Variants in WASF3 observed in about 807,000 individuals in gnomAD.
WASF3 encodes the protein WASP family member 3.
WASF3 carries 11 observed loss-of-function variants against 46.6 expected under a neutral mutation model. The ratio of observed to expected loss-of-function variants is 0.24; its 90% CI spans 0.15 to 0.39. The LOEUF (loss-of-function observed/expected upper bound fraction) is 0.39, where lower values mean the gene tolerates loss of function less well. WASF3 is among the 10% of genes least tolerant of loss of function. WASF3 has a pLI of 1.00. For synonymous variants in WASF3, 242 were observed against 259.7 expected (o/e 0.93, Z 0.65); for missense variants, 576 against 669.8 (o/e 0.86, Z 1.55).
intron 7 of WASF3, among the ~76,000 whole-genome samples, chr13:26,678,836 C>G (rs939401255): frequency 9.2e-5 from 14 of 152,198 alleles, no homozygotes; most frequent in Admixed American, 9.2e-4. Flanking sequence ...TGGTGCAGAT[C>G]TCTGGCTGCC....
In WASF3 at chr13:26,642,221, G is replaced by A. The variant is rs755742988; in HGVS notation, c.-10-40G>A. Reference sequence around the variant, plus strand: ...ATTAAAATTCCAGATTTGTTAAAATGTGAATATGAGCTTATAAAGAATGTG... The same window carrying A: ...ATTAAAATTCCAGATTTGTTAAAATATGAATATGAGCTTATAAAGAATGTG... On this transcript the variant is annotated intron_variant, in intron 2 of 9. Transcript: ENST00000335327. 8.3e-6 allele frequency: 12 copies of A among 1,450,054 alleles called. No homozygotes were observed. In the East Asian group the frequency reaches 1.0e-4, roughly 12 times the overall value. 89.8% of individuals were successfully genotyped at this position (1,450,054 alleles called of 1,614,324 possible).
At chr13:26,551,626 G>T in the WASF3 span, among the ~76,000 whole-genome samples, 1 of 152,168 alleles carries the variant, frequency 6.6e-6, no homozygotes, top group Non-Finnish European at 1.5e-5. Context: ...AGAGGCTGGT[G>T]TAGGTAACTG....
At chr13:26,649,585 G>A (rs755658062) in intron 3 of WASF3, among the ~76,000 whole-genome samples, 29 of 152,178 alleles carry the variant, frequency 1.9e-4, no homozygotes, top group Non-Finnish European at 3.8e-4. Context: ...TGTGGGAACC[G>A]TTTCAGGGTT....
intron 2 of WASF3, among the ~76,000 whole-genome samples, chr13:26,630,980 A>G (rs1368810430): frequency 6.6e-6 from 1 of 152,142 alleles, no homozygotes; most frequent in Non-Finnish European, 1.5e-5. Flanking sequence ...GTCTGTTCAT[A>G]TCCTTTGCCT....
At chr13:26,606,984 T>G (rs1459036903) in intron 1 of WASF3, 1 of 152,208 alleles carries the variant, frequency 6.6e-6, no homozygotes. Context: ...ATTGTTCTAT[T>G]TTATTATGAG....
chr13:26,564,316 C>T (rs1879392440), intron 1 of WASF3, among the ~76,000 whole-genome samples: 1 of 152,310 alleles, frequency 6.6e-6, no homozygotes, highest in Non-Finnish European at 1.5e-5. Flanking sequence ...TCCAGCTTGT[C>T]AGATAACCTC....
At chr13:26,565,926 C>A (rs975009639) in intron 1 of WASF3, among the ~76,000 whole-genome samples, 2 of 152,060 alleles carry the variant, frequency 1.3e-5, no homozygotes, top group African/African-American at 4.8e-5. Context: ...CAGTTCCCAC[C>A]CCTCAAAAAA....
intron 1 of WASF3, among the ~76,000 whole-genome samples, chr13:26,598,640 G>C (rs1880548559): frequency 6.6e-6 from 1 of 152,162 alleles, no homozygotes; most frequent in Non-Finnish European, 1.5e-5. Flanking sequence ...TAGTTTGAGA[G>C]TGGGATCACG....
chr13:26,549,600 A>C, the WASF3 span, among the ~76,000 whole-genome samples: 1 of 152,180 alleles, frequency 6.6e-6, no homozygotes, highest in South Asian at 2.1e-4. Context: ...TGGATTTGTA[A>C]AAATAAAAAC....
At chr13:26,598,699 ATCTC>A (rs772507379) in intron 1 of WASF3, among the ~76,000 whole-genome samples, 7 of 152,200 alleles carry the variant, frequency 4.6e-5, no homozygotes, top group Non-Finnish European at 1.0e-4. Context: ...GATCTTGGAG[ATCTC>A]TTTATGCTTC....
intron 1 of WASF3, among the ~76,000 whole-genome samples, chr13:26,597,708 G>A (rs1469533069): frequency 1.3e-5 from 2 of 152,076 alleles, no homozygotes; most frequent in African/African-American, 4.8e-5. Context: ...GAGTGAGAAC[G>A]TGCGGTGTTT....
chr13:26,657,393 T>G (rs534825590), intron 3 of WASF3, among the ~76,000 whole-genome samples: 4 of 152,372 alleles, frequency 2.6e-5, no homozygotes, highest in Admixed American at 2.6e-4. Flanking sequence ...AAGTATCTAA[T>G]GTTACTTCTA....
In WASF3 at chr13:26,682,669, C is replaced by A. The variant is rs756781551; in HGVS notation, c.1046C>A (p.Pro349His). 3.1e-6 allele frequency: 5 copies of A among 1,614,208 alleles called. No individual in the cohort carries two copies. The East Asian group carries it at 1.1e-4, about 36-fold the overall frequency. The change falls in exon 9 of 10, where the codon CCT becomes CAT. Residue 349 changes from proline (P) to histidine (H), a missense_variant. Around this residue, in one of 3 missense-constraint regions of WASF3, gnomAD observed 295 missense variants for 291.5 expected, o/e 1.01. Transcript: ENST00000335327. The surrounding 1 kb of genome is among the most constrained non-coding windows in gnomAD (Gnocchi z 4.4). The stretch of plus-strand genomic sequence containing the variant: ...TCCGGACCACCTCCTCCGCCACCTC[C>A]TCCTGTGATTCCCTCAGCACAAACT... ...NPSGPPPPPP[P>H]PVIPSAQTAF...
chr13:26,562,664 G>A lies in WASF3; in HGVS notation c.-109+4845G>A, dbSNP rs189799292. ...AGATAGCGGTTTCAGAGTTTCCATT[G>A]GAGTTAGCCTGAGGACATGATGAAT... is the stretch of plus-strand genomic sequence containing the variant. On this transcript the variant is annotated intron_variant, in intron 1 of 9. Transcript: ENST00000335327. Among the ~76,000 whole-genome samples, 10 of 152,166 alleles carry A rather than the reference G, an allele frequency of 6.6e-5. No individual in the cohort carries two copies. In the East Asian group the frequency reaches 1.9e-3, roughly 29 times the overall value.
At chr13:26,669,714 A>G (rs1357651038) in intron 5 of WASF3, among the ~76,000 whole-genome samples, 1 of 152,138 alleles carries the variant, frequency 6.6e-6, no homozygotes, top group Non-Finnish European at 1.5e-5. Context: ...GGGTTTTACC[A>G]TGTTGGTCAG....
chr13:26,671,252 C>T (rs957407305), intron 5 of WASF3, among the ~76,000 whole-genome samples: 5 of 152,170 alleles, frequency 3.3e-5, no homozygotes, highest in Non-Finnish European at 7.3e-5. Flanking sequence ...ACAGTAATTG[C>T]CTGTGACAGT....
At position 26,679,366 on chromosome 13, in the gene WASF3, A is replaced by G. The variant is rs1484868866; in HGVS notation, c.717-1688A>G. 6.6e-6 allele frequency among the ~76,000 whole-genome samples: 1 copy of G among 152,040 alleles called. No homozygotes were observed. ...GTCCTCCTGATGGGCACCCTTCATC[A>G]GGGTTCTGCCCTGTAGAAATCTCTG... On this transcript the variant is annotated intron_variant, in intron 7 of 9. Coordinates refer to ENST00000335327, the MANE Select transcript of WASF3 (RefSeq NM_006646.6). The surrounding 1 kb of genome is among the most constrained non-coding windows in gnomAD (Gnocchi z 4.8).
At chr13:26,576,224 T>C (rs1415551524) in intron 1 of WASF3, among the ~76,000 whole-genome samples, 1 of 152,192 alleles carries the variant, frequency 6.6e-6, no homozygotes, top group Non-Finnish European at 1.5e-5. Flanking sequence ...AAAATTTTCA[T>C]TTGAATCTAT....
intron 9 of WASF3, among the ~76,000 whole-genome samples, chr13:26,684,852 A>G (rs1240456839): frequency 1.3e-5 from 2 of 152,212 alleles, no homozygotes; most frequent in African/African-American, 4.8e-5. Context: ...TAAATCTGAA[A>G]TTATTTCAAA....
Sources: allele counts gnomAD v4.1 joint callset (sites outside exome capture counted in the v4.1 genomes callset), GRCh38; gene constraint gnomAD v4.1.1; regional missense constraint gnomAD v4.1.1; non-coding constraint Gnocchi (gnomAD v3.1); transcripts MANE v1.5; gene names NCBI Gene and HGNC (gene_info 2026-07-23, HGNC 2026-07-21).